Variants in BPIFB1 observed in about 807,000 individuals in gnomAD.
BPIFB1 encodes BPI fold containing family B member 1, also known as BPI fold-containing family B member 1.
In BPIFB1, 34 loss-of-function variants were observed where a neutral mutation model predicts 55.1. That is an observed-to-expected ratio of 0.62 (90% CI 0.47 to 0.82). The LOEUF is 0.82. Ranked by LOEUF, BPIFB1 falls within the 40% of genes least tolerant of loss-of-function variation. The pLI, the probability that BPIFB1 is intolerant of heterozygous loss-of-function variation, is 0.00. For synonymous variants in BPIFB1, 236 were observed against 245.3 expected (o/e 0.96, Z 0.35); for missense variants, 532 against 593.1 (o/e 0.90, Z 1.07).
chr20:33,292,004 G>A lies in BPIFB1; in HGVS notation c.597+16G>A, dbSNP rs752477197. On this transcript the variant is annotated intron_variant, in intron 6 of 15. Coordinates refer to ENST00000253354, the MANE Select transcript of BPIFB1 (RefSeq NM_033197.3). ...GAAAAACCAGGTGAGTGGAATCAGG[G>A]CCTCTCTGGCCTGTGGGCATTGCGC... 3 of 1,612,408 alleles carry A rather than the reference G, an allele frequency of 1.9e-6. No homozygotes were observed. In the South Asian group the frequency reaches 3.3e-5, roughly 18 times the overall value.
intron 11 of BPIFB1, among the ~76,000 whole-genome samples, chr20:33,303,489 G>T (rs1980921126): frequency 6.6e-6 from 1 of 152,104 alleles, no homozygotes; most frequent in South Asian, 2.1e-4. Flanking sequence ...GCTGCATTAG[G>T]CTCATATCCT....
At chr20:33,306,694 T>G (rs1400446565) in intron 14 of BPIFB1, 2 of 581,256 alleles carry the variant, frequency 3.4e-6, no homozygotes, top group East Asian at 2.9e-5. Context: ...ATGTGAGGAC[T>G]GCATTTTGTG....
At chr20:33,305,900 C>T in intron 13 of BPIFB1, 102 bp from the exon 14 acceptor site, 2 of 1,304,506 alleles carry the variant, frequency 1.5e-6, no homozygotes, top group Non-Finnish European at 2.2e-6. Context: ...TACATCTCCA[C>T]CAGCCACCTC....
chr20:33,290,707 C>G (rs1247449182), intron 4 of BPIFB1, among the ~76,000 whole-genome samples: 1 of 152,110 alleles, frequency 6.6e-6, no homozygotes, highest in Non-Finnish European at 1.5e-5. Context: ...ACTTGAGAAG[C>G]CCGTGAGACA....
chr20:33,295,904 A>T (rs1238075102), intron 6 of BPIFB1, among the ~76,000 whole-genome samples: 1 of 139,562 alleles, frequency 7.2e-6, no homozygotes, highest in African/African-American at 2.7e-5. Flanking sequence ...AGAAGGAAGG[A>T]AGGAAGGGGA....
At chr20:33,298,976 CTTT>C (rs35028429) in intron 7 of BPIFB1, 580 of 243,788 alleles carry the variant, frequency 2.4e-3, no homozygotes, top group South Asian at 3.7e-3. Context: ...CTTTAATATA[CTTT>C]TTTTTTTTTT....
At chr20:33,283,471 G>A (rs1051498119) in intron 1 of BPIFB1, among the ~76,000 whole-genome samples, 1 of 152,184 alleles carries the variant, frequency 6.6e-6, no homozygotes, top group East Asian at 1.9e-4. Context: ...GGGGCTGGCT[G>A]AGTGTTTTCC....
intron 11 of BPIFB1, 77 bp downstream of exon 11, chr20:33,303,151 T>C: frequency 6.4e-7 from 1 of 1,552,532 alleles, no homozygotes; most frequent in Non-Finnish European, 8.8e-7. Flanking sequence ...CCCTCTTGCT[T>C]TGTTAAACAT....
At chr20:33,308,765 C>A (rs948897034) in intron 15 of BPIFB1, among the ~76,000 whole-genome samples, 2 of 127,342 alleles carry the variant, frequency 1.6e-5, no homozygotes, top group Non-Finnish European at 3.3e-5. Flanking sequence ...ACACACCACA[C>A]ACATACACAC....
intron 4 of BPIFB1, 28 bp from the exon 5 acceptor site, chr20:33,290,929 C>G: frequency 6.2e-7 from 1 of 1,610,268 alleles, no homozygotes; most frequent in Non-Finnish European, 8.5e-7. Flanking sequence ...GCCTGGTGCT[C>G]ACATGGTCAG....
chr20:33,303,170 C>T lies in BPIFB1; in HGVS notation c.1140+96C>T, dbSNP rs542553233. On this transcript the variant is annotated intron_variant, in intron 11 of 15. Coordinates refer to ENST00000253354, the MANE Select transcript of BPIFB1 (RefSeq NM_033197.3). Reference sequence around the variant, plus strand: ...CTTGCTTTGTTAAACATTTCCACCACTCTCATCACTTAGCAGGGACAGGGG... The same window carrying T: ...CTTGCTTTGTTAAACATTTCCACCATTCTCATCACTTAGCAGGGACAGGGG... 1.7e-5 allele frequency: 25 copies of T among 1,473,998 alleles called. No homozygotes were observed. The East Asian group carries it at 4.8e-4, about 28-fold the overall frequency. The allele number at this position is 1,473,998 out of a possible 1,614,324, so 91.3% of individuals were successfully genotyped here. A position where few individuals can be genotyped will look rare whatever the true frequency, so the allele number is the denominator to read the frequency against.
chr20:33,306,864 A>C, intron 14 of BPIFB1, 47 bp from the exon 15 acceptor site: 1 of 1,536,708 alleles, frequency 6.5e-7, no homozygotes, highest in Non-Finnish European at 9.0e-7. Context: ...CTGGCTGCCC[A>C]GTCTCACCCC....
At chr20:33,307,291 G>T in intron 15 of BPIFB1, 1 of 332,698 alleles carries the variant, frequency 3.0e-6, no homozygotes, top group Non-Finnish European at 5.6e-6. Flanking sequence ...ATGCTTCTGA[G>T]TGCTTGAGGC....
In BPIFB1 at chr20:33,299,696, T is replaced by G. The variant is rs531026973; in HGVS notation, c.662-203T>G. Among the ~76,000 whole-genome samples, 30 of 152,322 alleles carry G rather than the reference T, an allele frequency of 2.0e-4. No homozygotes were observed. The South Asian group carries it at 6.0e-3, about 31-fold the overall frequency. On this transcript the variant is annotated intron_variant, in intron 7 of 15. Transcript: ENST00000253354. ...TATCATGCAGATGAACCAGCTGACA[T>G]GCAGAGGCCTGGCACTTAGTGGATG...
chr20:33,292,380 T>C (rs1171486272), intron 6 of BPIFB1, among the ~76,000 whole-genome samples: 2 of 152,152 alleles, frequency 1.3e-5, no homozygotes, highest in African/African-American at 4.8e-5. Context: ...AGATATACAA[T>C]AGCACACGAT....
rs539095900 is a variant in BPIFB1 at position 33,295,872 on chromosome 20, G to T, written c.598-1653G>T. Among the ~76,000 whole-genome samples the T allele has an allele frequency of 2.2e-5, 3 of 136,694 alleles. No individual in the cohort carries two copies. The South Asian group carries it at 7.5e-4, about 34-fold the overall frequency. 89.7% of individuals were successfully genotyped at this position (136,694 alleles called of 152,430 possible). A position where few individuals can be genotyped will look rare whatever the true frequency, so the allele number is the denominator to read the frequency against. On this transcript the variant is annotated intron_variant, in intron 6 of 15. Coordinates refer to ENST00000253354, the MANE Select transcript of BPIFB1 (RefSeq NM_033197.3). The stretch of plus-strand genomic sequence containing the variant: ...AAGGAAGGAAAGAAGGAAGGAAGGG[G>T]ATTGGGAAGGGAAGGAAGGAAAGAA...
intron 6 of BPIFB1, 41 bp downstream of exon 6, chr20:33,292,029 C>T (rs780902792): frequency 1.2e-5 from 19 of 1,581,736 alleles, no homozygotes; most frequent in South Asian, 1.1e-5. Context: ...GGGCATTGCG[C>T]CCCCTGTGGG....
intron 9 of BPIFB1, 24 bp from the exon 10 acceptor site, chr20:33,302,335 T>C (rs1296946694): frequency 4.0e-5 from 65 of 1,613,688 alleles, no homozygotes; most frequent in Non-Finnish European, 5.5e-5. Context: ...CCAACTGACC[T>C]TCTCTGGCTC....
chr20:33,291,751 G>A lies in BPIFB1; in HGVS notation c.516-156G>A, dbSNP rs534620333. 3.1e-4 allele frequency among the ~76,000 whole-genome samples: 47 copies of A among 152,298 alleles called. No individual in the cohort carries two copies. In the East Asian group the frequency reaches 8.9e-3, roughly 29 times the overall value. ...TAACTCTTTGCCACTGCCTACACCT[G>A]GCTCAGGGGCTACTCCCAGCCCCGT... is the stretch of plus-strand genomic sequence containing the variant. On this transcript the variant is annotated intron_variant, in intron 5 of 15. Coordinates refer to ENST00000253354, the MANE Select transcript of BPIFB1 (RefSeq NM_033197.3).
Sources: allele counts gnomAD v4.1 joint callset (sites outside exome capture counted in the v4.1 genomes callset), GRCh38; gene constraint gnomAD v4.1.1; transcripts MANE v1.5; gene names NCBI Gene and HGNC (gene_info 2026-07-23, HGNC 2026-07-21).